CHN1: variants seen among roughly 807,000 people sequenced by gnomAD.
CHN1 encodes chimerin 1.
In CHN1, 37 loss-of-function variants were observed where a neutral mutation model predicts 59.5. The ratio of observed to expected loss-of-function variants is 0.62; its 90% confidence interval spans 0.48 to 0.82. The LOEUF is 0.82. CHN1 is among the 40% of genes least tolerant of loss of function. CHN1 has a pLI of 0.00. For synonymous variants in CHN1, 206 were observed against 200.4 expected, an observed-to-expected ratio of 1.03 and a Z score of -0.24; for missense variants, 469 against 571.0, an observed-to-expected ratio of 0.82 and a Z score of 1.82.
intron 1 of CHN1, among the ~76,000 whole-genome samples, chr2:174,960,499 G>A (rs1690362504): frequency 6.6e-6 from 1 of 152,142 alleles, no homozygotes; most frequent in Non-Finnish European, 1.5e-5. Context: ...CAGAAATCTG[G>A]ATTCTAAAGA....
At chr2:174,962,893 G>A (rs552448157) in intron 1 of CHN1, among the ~76,000 whole-genome samples, 133 of 152,296 alleles carry the variant, frequency 8.7e-4, no homozygotes, top group African/African-American at 3.0e-3. Flanking sequence ...CTGGGCAACA[G>A]AGCGAGACCC....
chr2:174,885,806 G>C (rs1229066853), intron 5 of CHN1, among the ~76,000 whole-genome samples: 2 of 152,100 alleles, frequency 1.3e-5, no homozygotes, highest in African/African-American at 4.8e-5. Flanking sequence ...ATAGTAACTT[G>C]TGCTACCTAC....
chr2:174,899,653 C>T (rs144453140), intron 5 of CHN1, among the ~76,000 whole-genome samples: 2 of 152,158 alleles, frequency 1.3e-5, no homozygotes, highest in African/African-American at 2.4e-5. Flanking sequence ...TTTGCCAACA[C>T]CTGATCTATG....
chr2:174,979,641 C>T (rs1425338663), intron 1 of CHN1, among the ~76,000 whole-genome samples: 1 of 152,072 alleles, frequency 6.6e-6, no homozygotes, highest in African/African-American at 2.4e-5. Context: ...GGTGAAACCC[C>T]ATCTCTACTG....
chr2:174,976,122 G>A (rs1202548702), intron 1 of CHN1, among the ~76,000 whole-genome samples: 12 of 38,046 alleles, frequency 3.2e-4, no homozygotes, highest in African/African-American at 1.1e-3. Context: ...GCAAGACTCC[G>A]TCTCAAAAAA....
At chr2:174,939,864 A>G (rs1689603902) in intron 3 of CHN1, among the ~76,000 whole-genome samples, 1 of 152,100 alleles carries the variant, frequency 6.6e-6, no homozygotes, top group African/African-American at 2.4e-5. Context: ...TGGACATTCA[A>G]AAGACAATCC....
intron 6 of CHN1, among the ~76,000 whole-genome samples, chr2:174,852,793 T>G (rs993976025): frequency 6.6e-6 from 1 of 151,970 alleles, no homozygotes; most frequent in Admixed American, 6.6e-5. Context: ...TAAAACAATC[T>G]GATCTTCGAC....
At chr2:174,874,309 T>A (rs1363342893) in intron 6 of CHN1, among the ~76,000 whole-genome samples, 1 of 152,244 alleles carries the variant, frequency 6.6e-6, no homozygotes, top group African/African-American at 2.4e-5. Flanking sequence ...CAGTCTGGAC[T>A]GCTAACTTAA....
chr2:174,829,164 T>C (rs771310180), intron 7 of CHN1, among the ~76,000 whole-genome samples: 3 of 152,252 alleles, frequency 2.0e-5, no homozygotes, highest in Non-Finnish European at 2.9e-5. Flanking sequence ...ATGACATTTG[T>C]GATTGCTTTT....
intron 1 of CHN1, among the ~76,000 whole-genome samples, chr2:174,998,778 C>CT: frequency 6.6e-6 from 1 of 151,866 alleles, no homozygotes; most frequent in East Asian, 1.9e-4. Flanking sequence ...ATTTTTTGTT[C>CT]TTTGAGGAAG....
chr2:174,874,239 A>T (rs952896906), intron 6 of CHN1, among the ~76,000 whole-genome samples: 5 of 152,216 alleles, frequency 3.3e-5, no homozygotes, highest in Non-Finnish European at 4.4e-5. Context: ...ATACCAAACT[A>T]TTCAAATACA....
intron 6 of CHN1, among the ~76,000 whole-genome samples, chr2:174,868,827 G>C (rs949741138): frequency 2.0e-5 from 3 of 152,190 alleles, no homozygotes; most frequent in African/African-American, 7.2e-5. Flanking sequence ...TCTAAATGTT[G>C]TAGTGGTGTT....
intron 8 of CHN1, among the ~76,000 whole-genome samples, chr2:174,815,775 A>ACT (rs1685231006): frequency 6.6e-6 from 1 of 151,956 alleles, no homozygotes; most frequent in Non-Finnish European, 1.5e-5. Flanking sequence ...TTGATGAGTA[A>ACT]TTCTGAATGG....
At chr2:174,936,010 T>C (rs1256731354) in intron 3 of CHN1, among the ~76,000 whole-genome samples, 1 of 152,198 alleles carries the variant, frequency 6.6e-6, no homozygotes, top group African/African-American at 2.4e-5. Context: ...TAATTGGTAT[T>C]GTAGTTAGAA....
rs968586628 is a variant in CHN1, at chr2:174,915,294, G to A, written c.147-123C>T. 5 of 747,028 alleles carry A rather than the reference G, an allele frequency of 6.7e-6. No homozygotes were observed. In the African/African-American group the frequency reaches 7.0e-5, roughly 10 times the overall value. 46.3% of individuals were successfully genotyped at this position (747,028 alleles called of 1,614,324 possible). A position where few individuals can be genotyped will look rare whatever the true frequency, so the allele number is the denominator to read the frequency against. On this transcript the variant is annotated intron_variant, in intron 4 of 12. Coordinates refer to ENST00000409900, the MANE Select transcript of CHN1 (RefSeq NM_001822.7). ...TCAAGACAAAGTACTGCCACATAATGGAAGGGAAGCACTTGGGTTTAACTA... is the reference window on the plus strand; with the variant it reads ...TCAAGACAAAGTACTGCCACATAATAGAAGGGAAGCACTTGGGTTTAACTA...
At chr2:174,987,137 T>C (rs2105457303) in intron 1 of CHN1, among the ~76,000 whole-genome samples, 1 of 152,342 alleles carries the variant, frequency 6.6e-6, no homozygotes, top group African/African-American at 2.4e-5. Flanking sequence ...ATCAATTGTT[T>C]ATGTTATTGG....
In CHN1 at chr2:174,913,816, T is replaced by C. The variant is rs139886188; in HGVS notation, c.260+1242A>G. Reference sequence around the variant, plus strand: ...AAGTGATTGGAGAAGGAATTAGACATGTTAGTCCTAAACATTAACATCAAC... The same window carrying C: ...AAGTGATTGGAGAAGGAATTAGACACGTTAGTCCTAAACATTAACATCAAC... On this transcript the variant is annotated intron_variant, in intron 5 of 12. Transcript: ENST00000409900. Among the ~76,000 whole-genome samples, 677 of 152,348 alleles carry C rather than the reference T, an allele frequency of 4.4e-3. 6 individuals are homozygous for C. The highest frequency in any genetic ancestry group is 0.015 in the African/African-American group (638 of 41,574).
At chr2:174,971,267 G>A (rs1423134518) in intron 1 of CHN1, among the ~76,000 whole-genome samples, 1 of 152,126 alleles carries the variant, frequency 6.6e-6, no homozygotes, top group African/African-American at 2.4e-5. Flanking sequence ...GCAGTGAGCC[G>A]AGATCGTGCC....
chr2:175,004,605 G>T (rs1190161539), intron 1 of CHN1, among the ~76,000 whole-genome samples: 1 of 152,202 alleles, frequency 6.6e-6, no homozygotes, highest in Non-Finnish European at 1.5e-5. Context: ...CTCCCAAGTT[G>T]GCATCTTAGA....
Sources: allele counts gnomAD v4.1 joint callset (sites outside exome capture counted in the v4.1 genomes callset), GRCh38; gene constraint gnomAD v4.1.1; transcripts MANE v1.5; gene names NCBI Gene and HGNC (gene_info 2026-07-23, HGNC 2026-07-21).